The following RBFOX1 variants were observed in gnomAD, a reference collection of about 807,000 sequenced individuals.
RBFOX1 encodes RNA binding fox-1 homolog 1, also known as RNA binding protein fox-1 homolog 1.
Under a neutral mutation model 57.7 loss-of-function variants are expected in RBFOX1, and 8 were observed. The ratio of observed to expected loss-of-function variants is 0.14; its 90% CI spans 0.08 to 0.25. The LOEUF (loss-of-function observed/expected upper bound fraction) is 0.25. Among genes scored for constraint, RBFOX1 ranks in the 10% least tolerant of loss-of-function variants. The pLI, the probability that RBFOX1 is intolerant of heterozygous loss-of-function variation, is 1.00. For missense variants in RBFOX1, 611 were observed against 548.5 expected, an observed-to-expected ratio of 1.11 and a Z score of -1.14; for synonymous variants, 326 against 222.4, an observed-to-expected ratio of 1.47 and a Z score of -4.15.
At chr16:7,250,138 C>A (rs1166723637) in intron 4 of RBFOX1, among the ~76,000 whole-genome samples, 1 of 152,038 alleles carries the variant, frequency 6.6e-6, no homozygotes, top group South Asian at 2.1e-4. Context: ...GTCTTTCAAG[C>A]CTTTTATTGA....
intron 3 of RBFOX1, among the ~76,000 whole-genome samples, chr16:7,028,755 G>A (rs1428638902): frequency 1.3e-5 from 2 of 151,698 alleles, no homozygotes; most frequent in African/African-American, 2.4e-5. Context: ...ATAGGGACGT[G>A]GAGGTTCGTA....
At chr16:6,194,921 T>G (rs1462841121) in intron 1 of RBFOX1, among the ~76,000 whole-genome samples, 1 of 152,236 alleles carries the variant, frequency 6.6e-6, no homozygotes, top group Non-Finnish European at 1.5e-5. Context: ...TGAGTAGATA[T>G]GAATAGTTTT....
intron 2 of RBFOX1, among the ~76,000 whole-genome samples, chr16:6,618,919 A>G (rs2098183302): frequency 6.6e-6 from 1 of 152,174 alleles, no homozygotes; most frequent in Non-Finnish European, 1.5e-5. Context: ...GCCATCCGTA[A>G]AAACAGAGTC....
chr16:6,920,269 T>A (rs2074174017), intron 3 of RBFOX1, among the ~76,000 whole-genome samples: 1 of 152,212 alleles, frequency 6.6e-6, no homozygotes, highest in Non-Finnish European at 1.5e-5. Flanking sequence ...TTTATATGAC[T>A]TCTTTCCTTT....
chr16:5,329,295 G>T (rs902225680), intron 1 of RBFOX1, among the ~76,000 whole-genome samples: 1 of 152,272 alleles, frequency 6.6e-6, no homozygotes, highest in African/African-American at 2.4e-5. Context: ...GGGAGACCTC[G>T]AGAAACTTAC....
At chr16:7,539,076 T>C (rs1053912296) in intron 5 of RBFOX1, among the ~76,000 whole-genome samples, 1 of 152,204 alleles carries the variant, frequency 6.6e-6, no homozygotes, top group Admixed American at 6.5e-5. Context: ...TCTGCCTCAG[T>C]CTGTTGATTA....
chr16:6,538,645 T>G (rs929772501), intron 2 of RBFOX1, among the ~76,000 whole-genome samples: 3 of 152,180 alleles, frequency 2.0e-5, no homozygotes, highest in African/African-American at 7.2e-5. Flanking sequence ...GCTGGTTGGA[T>G]TGCAGAATGG....
chr16:7,191,048 G>A (rs1211501230), intron 4 of RBFOX1, among the ~76,000 whole-genome samples: 5 of 151,906 alleles, frequency 3.3e-5, no homozygotes, highest in African/African-American at 7.3e-5. Context: ...AATCCTATTC[G>A]GGGACCCCTT....
intron 3 of RBFOX1, among the ~76,000 whole-genome samples, chr16:7,041,775 T>G (rs910494711): frequency 6.6e-6 from 1 of 152,232 alleles, no homozygotes; most frequent in Non-Finnish European, 1.5e-5. Flanking sequence ...ACCCAGTGCT[T>G]CTTGTGAAAA....
At chr16:6,685,061 A>G (rs2059219855) in intron 3 of RBFOX1, among the ~76,000 whole-genome samples, 1 of 152,158 alleles carries the variant, frequency 6.6e-6, no homozygotes, top group Non-Finnish European at 1.5e-5. Context: ...GAAAATTTAC[A>G]GGTGAAATTC....
At chr16:6,625,191 T>TCTG (rs1222210262) in intron 2 of RBFOX1, among the ~76,000 whole-genome samples, 2 of 143,634 alleles carry the variant, frequency 1.4e-5, no homozygotes, top group Admixed American at 1.4e-4. Flanking sequence ...AAAAAGGTAT[T>TCTG]CTGGTGGATA....
At chr16:6,895,486 A>ATATATATATATGTATG (rs1231560510) in intron 3 of RBFOX1, among the ~76,000 whole-genome samples, 1 of 92,048 alleles carries the variant, frequency 1.1e-5, no homozygotes, top group Non-Finnish European at 2.2e-5. Context: ...ATATATATAT[A>ATATATATATATGTATG]TTTATTCCCC....
intron 11 of RBFOX1, among the ~76,000 whole-genome samples, chr16:7,636,981 T>C (rs1053309168): frequency 5.3e-5 from 8 of 152,094 alleles, no homozygotes; most frequent in East Asian, 1.9e-4. Context: ...AAGCATCACA[T>C]TGGGGGTTAC....
intron 2 of RBFOX1, among the ~76,000 whole-genome samples, chr16:6,498,436 G>A (rs1274560157): frequency 1.3e-5 from 2 of 152,134 alleles, no homozygotes; most frequent in African/African-American, 2.4e-5. Flanking sequence ...AGACAGACCA[G>A]TTAGCTTCTA....
At chr16:7,587,659 T>G (rs1395272620) in intron 7 of RBFOX1, among the ~76,000 whole-genome samples, 1 of 152,246 alleles carries the variant, frequency 6.6e-6, no homozygotes, top group Non-Finnish European at 1.5e-5. Flanking sequence ...GTGATTATTC[T>G]GTATTAATAA....
intron 3 of RBFOX1, among the ~76,000 whole-genome samples, chr16:5,659,991 T>A (rs2049592168): frequency 6.6e-6 from 1 of 152,190 alleles, no homozygotes; most frequent in Non-Finnish European, 1.5e-5. Context: ...TATCGATATA[T>A]TTTATAGTTC....
intron 2 of RBFOX1, among the ~76,000 whole-genome samples, chr16:6,569,345 G>C (rs2097312205): frequency 1.3e-5 from 2 of 152,166 alleles, no homozygotes; most frequent in South Asian, 4.1e-4. Flanking sequence ...CTACCTCATG[G>C]AGTTGTGAGG....
rs148365439 is a variant in RBFOX1, at chr16:5,479,757, C to T, written c.258+12503C>T. On this transcript the variant is annotated intron_variant, in intron 2 of 2. Transcript: ENST00000585867. The stretch of plus-strand genomic sequence containing the variant: ...ACAAGAACGAAACTCCATCCCCGCC[C>T]CTCACCCCCCGCAAAAAAAGAATTA... 1.5e-3 allele frequency among the ~76,000 whole-genome samples: 224 copies of T among 151,836 alleles called. 1 individual carries two copies. Among genetic ancestry groups the T allele is most frequent in the Admixed American group, 2.5e-3 (38 of 15,236 alleles).
intron 3 of RBFOX1, among the ~76,000 whole-genome samples, chr16:6,840,879 C>A (rs116804227): frequency 0.014 from 1,350 of 98,216 alleles, 22 homozygotes; most frequent in African/African-American, 0.06. Context: ...GAAAGTGAGA[C>A]TCTGTCTCAA....
Sources: allele counts gnomAD v4.1 joint callset (sites outside exome capture counted in the v4.1 genomes callset), GRCh38; gene constraint gnomAD v4.1.1; transcripts MANE v1.5; gene names NCBI Gene and HGNC (gene_info 2026-07-23, HGNC 2026-07-21).